The following CHEK2 variants were observed in gnomAD, a reference collection of about 807,000 sequenced individuals.
CHEK2 encodes the protein serine/threonine-protein kinase Chk2.
Under a neutral mutation model 69.1 loss-of-function variants are expected in CHEK2, and 71 were observed. The ratio of observed to expected loss-of-function variants is 1.03; its 90% CI spans 0.85 to 1.25. The LOEUF (loss-of-function observed/expected upper bound fraction) is 1.25. Among genes scored for constraint, CHEK2 ranks in the 50% most tolerant of loss-of-function variants. The probability of loss-of-function intolerance (pLI) is 0.00; values close to 1 mark genes in which losing one functional copy is unlikely to be tolerated. For synonymous variants in CHEK2, 189 were observed against 226.9 expected, an observed-to-expected ratio of 0.83 and a Z score of 1.50; for missense variants, 664 against 649.6, an observed-to-expected ratio of 1.02 and a Z score of -0.24.
At chr22:28,706,433 GT>G (rs2053145066) in intron 7 of CHEK2, among the ~76,000 whole-genome samples, 1 of 152,058 alleles carries the variant, frequency 6.6e-6, no homozygotes, top group Non-Finnish European at 1.5e-5. Flanking sequence ...TTTTTTGTGT[GT>G]TTTTTGTTTT....
Position 28,712,018 on chromosome 22 carries a change from C to T in CHEK2, c.684-1G>A, listed in dbSNP as rs1298667185. On this transcript the variant is annotated splice_acceptor_variant, in intron 5 of 14. Coordinates refer to ENST00000404276, the MANE Select transcript of CHEK2 (RefSeq NM_007194.4). LOFTEE classifies it high-confidence loss of function. Reference sequence around the variant, plus strand: ...CAGCTTTACCTCTCCACAGGCACCACTAGAGGGAAAAACAAAGATAGTGAT... The same window carrying T: ...CAGCTTTACCTCTCCACAGGCACCATTAGAGGGAAAAACAAAGATAGTGAT... 1.9e-6 allele frequency: 3 copies of T among 1,607,186 alleles called. No individual in the cohort carries two copies. Among genetic ancestry groups the T allele is most frequent in the South Asian group, 1.1e-5 (1 of 90,924 alleles).
At chr22:28,727,744 A>C (rs1163454871) in intron 2 of CHEK2, among the ~76,000 whole-genome samples, 3 of 152,244 alleles carry the variant, frequency 2.0e-5, no homozygotes, top group Non-Finnish European at 4.4e-5. Flanking sequence ...TGGCTCAAAC[A>C]TATGAAAGGT....
chr22:28,730,855 T>C (rs1333570935), intron 2 of CHEK2, among the ~76,000 whole-genome samples: 1 of 152,000 alleles, frequency 6.6e-6, no homozygotes. Context: ...AGGCTCCGTC[T>C]CAATAAATAA....
chr22:28,695,223 A>C lies in CHEK2; in HGVS notation c.1279T>G (p.Phe427Val). The C allele has an allele frequency of 6.2e-7, 1 of 1,608,822 alleles. No individual in the cohort carries two copies. ...GACACTTGAGTCCTATGCTCAGAGAAAGGTGGATACCCACTAAGGCTTAAT... is the reference window on the plus strand; with the variant it reads ...GACACTTGAGTCCTATGCTCAGAGACAGGTGGATACCCACTAAGGCTTAAT... ...LFICLSGYPPFSEHRTQVSLK... is the reference protein window; with the variant it reads ...LFICLSGYPPVSEHRTQVSLK... The change falls in exon 12 of 15, where the codon TTC (phenylalanine) becomes GTC (valine). Residue 427 changes from phenylalanine to valine, a missense_variant. Transcript: ENST00000404276.
rs2145935863 is a variant in CHEK2 at position 28,710,138 on chromosome 22, T to A, written c.793-79A>T. ...AAAAAACATTTACAGTTAAACTCAGTTGACTCAAGGCTGCCTGAGTTCCAA... is the reference window on the plus strand; with the variant it reads ...AAAAAACATTTACAGTTAAACTCAGATGACTCAAGGCTGCCTGAGTTCCAA... On this transcript the variant is annotated intron_variant, in intron 6 of 14. Transcript: ENST00000404276. The A allele has an allele frequency of 8.9e-6, 9 of 1,013,924 alleles. No homozygotes were observed. In the South Asian group the frequency reaches 1.2e-4, roughly 14 times the overall value. 62.8% of individuals were successfully genotyped at this position (1,013,924 alleles called of 1,614,324 possible). A position where few individuals can be genotyped will look rare whatever the true frequency, so the allele number is the denominator to read the frequency against.
chr22:28,705,006 T>A (rs1325521329), intron 7 of CHEK2, among the ~76,000 whole-genome samples: 1 of 151,796 alleles, frequency 6.6e-6, no homozygotes. Flanking sequence ...AGAAAAGACT[T>A]CAAAGAGTAT....
chr22:28,725,445 T>C (rs1002091208), intron 2 of CHEK2, 78 bp from the exon 3 acceptor site: 5 of 1,555,052 alleles, frequency 3.2e-6, no homozygotes, highest in Non-Finnish European at 3.5e-6. Flanking sequence ...TAAATGCTAA[T>C]TGTAGGAAAA....
intron 11 of CHEK2, 38 bp downstream of exon 11, chr22:28,695,672 C>A (rs2145800062): frequency 6.3e-7 from 1 of 1,590,806 alleles, no homozygotes; most frequent in Non-Finnish European, 8.6e-7. Context: ...ATCTAATCAC[C>A]TCCTACCAGT....
chr22:28,693,704 C>CA (rs1418295753), intron 13 of CHEK2, among the ~76,000 whole-genome samples: 2 of 152,100 alleles, frequency 1.3e-5, no homozygotes, highest in Non-Finnish European at 2.9e-5. Flanking sequence ...ACAAAAAATA[C>CA]AAAAAGTAGC....
chr22:28,698,163 G>A (rs1481709936), intron 9 of CHEK2, among the ~76,000 whole-genome samples: 2 of 149,566 alleles, frequency 1.3e-5, no homozygotes, highest in Non-Finnish European at 3.0e-5. Flanking sequence ...GCTCAAGGCA[G>A]GCGGATAGTT....
intron 9 of CHEK2, among the ~76,000 whole-genome samples, chr22:28,699,487 C>T (rs1247495992): frequency 6.6e-6 from 1 of 151,250 alleles, no homozygotes; most frequent in Non-Finnish European, 1.5e-5. Context: ...GCCTCAGCCT[C>T]CCGAGTAGCT....
chr22:28,741,791 C>T lies in CHEK2; in HGVS notation c.-29G>A. 1 of 491,208 alleles carries T rather than the reference C, an allele frequency of 2.0e-6. No individual in the cohort carries two copies. Among genetic ancestry groups the T allele is most frequent in the Non-Finnish European group, 3.7e-6 (1 of 269,934 alleles). 30.4% of individuals were successfully genotyped at this position (491,208 alleles called of 1,614,324 possible). On this transcript the variant is annotated 5_prime_UTR_variant, in exon 1 of 15. Transcript: ENST00000404276. ...CACCGCGTGAGCCCACCTGGAGCCGCACACTCTCCGCAGCCTCAGCCAGCA... is the reference window on the plus strand; with the variant it reads ...CACCGCGTGAGCCCACCTGGAGCCGTACACTCTCCGCAGCCTCAGCCAGCA...
intron 7 of CHEK2, among the ~76,000 whole-genome samples, chr22:28,708,363 ATGTGTGTGTGTGTGTGTGTG>A (rs10694007): frequency 1.4e-5 from 2 of 139,668 alleles, no homozygotes; most frequent in Admixed American, 1.5e-4. Context: ...CTCTAAAAAT[ATGTGTGTGTGTGTGTGTGTG>A]TGTGTGTGTG....
chr22:28,696,085 C>T (rs2052574613), intron 10 of CHEK2, among the ~76,000 whole-genome samples: 1 of 152,170 alleles, frequency 6.6e-6, no homozygotes, highest in Admixed American at 6.5e-5. Flanking sequence ...GGAATCTCAA[C>T]ACTCAGGCTT....
chr22:28,735,262 C>T (rs890941576), intron 1 of CHEK2, among the ~76,000 whole-genome samples: 1 of 151,820 alleles, frequency 6.6e-6, no homozygotes, highest in Non-Finnish European at 1.5e-5. Flanking sequence ...AAAAATTAGC[C>T]AGGCGTGGTG....
intron 2 of CHEK2, among the ~76,000 whole-genome samples, chr22:28,734,193 G>T (rs1408175965): frequency 1.3e-5 from 2 of 152,124 alleles, no homozygotes; most frequent in Non-Finnish European, 2.9e-5. Flanking sequence ...GCTCAGGCCT[G>T]CTCCCATCCT....
At chr22:28,702,804 C>T (rs1023584786) in intron 8 of CHEK2, among the ~76,000 whole-genome samples, 1 of 152,142 alleles carries the variant, frequency 6.6e-6, no homozygotes, top group African/African-American at 2.4e-5. Context: ...ACCTCGGCCT[C>T]CCAAAGTGCT....
Position 28,711,877 on chromosome 22 carries a change from T to C in CHEK2, c.792+32A>G, listed in dbSNP as rs373462054. 1.5e-5 allele frequency: 21 copies of C among 1,408,810 alleles called. No individual in the cohort carries two copies. In the Admixed American group the frequency reaches 2.5e-4, roughly 17 times the overall value. The allele number at this position is 1,408,810 out of a possible 1,614,324, so 87.3% of individuals were successfully genotyped here. A position where few individuals can be genotyped will look rare whatever the true frequency, so the allele number is the denominator to read the frequency against. Reference sequence around the variant, plus strand: ...TTGGGAAGTTATGAAGACGTGTTAATAAAAGGTGATCAGCCTTTTATTGGT... The same window carrying C: ...TTGGGAAGTTATGAAGACGTGTTAACAAAAGGTGATCAGCCTTTTATTGGT... On this transcript the variant is annotated intron_variant, in intron 6 of 14. Coordinates refer to ENST00000404276, the MANE Select transcript of CHEK2 (RefSeq NM_007194.4).
intron 5 of CHEK2, among the ~76,000 whole-genome samples, chr22:28,713,350 T>C (rs1415972252): frequency 6.6e-6 from 1 of 151,864 alleles, no homozygotes; most frequent in East Asian, 1.9e-4. Flanking sequence ...TGAACATTTA[T>C]GTACAAGTTT....
Sources: gnomAD v4.1 joint callset for allele counts (sites outside exome capture counted in the v4.1 genomes callset) on GRCh38, gnomAD v4.1.1 for gene constraint, MANE v1.5 for transcripts, NCBI Gene and HGNC (gene_info 2026-07-23, HGNC 2026-07-21) for gene names.